The following BACE2 variants were observed in gnomAD, a reference collection of about 807,000 sequenced individuals.
BACE2 encodes 56 kDa aspartic-like protease.
Under a neutral mutation model 46.2 loss-of-function variants are expected in BACE2, and 17 were observed. The observed-to-expected ratio is 0.37, with a 90% CI of 0.25 to 0.55. BACE2 has a LOEUF of 0.55. Among genes scored for constraint, BACE2 ranks in the 20% least tolerant of loss-of-function variants. The probability of loss-of-function intolerance (pLI) is 0.82; values close to 1 mark genes in which losing one functional copy is unlikely to be tolerated. For synonymous variants in BACE2, 277 were observed against 295.9 expected (o/e 0.94, Z 0.66); for missense variants, 595 against 698.1 (o/e 0.85, Z 1.66).
rs919161951 is a variant in BACE2, at chr21:41,282,334, A to T, written c.*6710A>T. On this transcript the variant is annotated 3_prime_UTR_variant, in exon 9 of 9. Transcript: ENST00000330333. ...AAAATGTAATAAGACCAAGAGTTGG[A>T]GTAAAGGGATATTCATTCCATGTTA... 2.6e-5 allele frequency: 4 copies of T among 152,198 alleles called. No homozygotes were observed. Among genetic ancestry groups the T allele is most frequent in the African/African-American group, 4.8e-5 (2 of 41,456 alleles). 9.4% of individuals were successfully genotyped at this position (152,198 alleles called of 1,614,324 possible).
rs1362138823 is a variant in BACE2 at position 41,277,103 on chromosome 21, A to G, written c.*1479A>G. ...TGCATTTTTTTGGGGTGGGTTGGCT[A>G]TATTACAGAATTCCACCAAAAGTGC... On this transcript the variant is annotated 3_prime_UTR_variant, in exon 9 of 9. Coordinates refer to ENST00000330333, the MANE Select transcript of BACE2 (RefSeq NM_012105.5). 2 of 151,846 alleles carry G rather than the reference A, an allele frequency of 1.3e-5. No homozygotes were observed. Among genetic ancestry groups the G allele is most frequent in the East Asian group, 3.9e-4 (2 of 5,148 alleles). 9.4% of individuals were successfully genotyped at this position (151,846 alleles called of 1,614,324 possible). A position where few individuals can be genotyped will look rare whatever the true frequency, so the allele number is the denominator to read the frequency against.
chr21:41,248,501 TC>T (rs536156943), intron 6 of BACE2, among the ~76,000 whole-genome samples: 11 of 152,318 alleles, frequency 7.2e-5, no homozygotes, highest in African/African-American at 2.6e-4. Flanking sequence ...CCGAAACTCT[TC>T]CCCGAATCCA....
chr21:41,202,821 T>G (rs1181558231), intron 1 of BACE2, among the ~76,000 whole-genome samples: 3 of 152,148 alleles, frequency 2.0e-5, no homozygotes, highest in South Asian at 4.1e-4. Context: ...GTTAAACATA[T>G]GGATTCCAGG....
intron 1 of BACE2, among the ~76,000 whole-genome samples, chr21:41,218,308 C>T (rs1986536137): frequency 6.6e-6 from 1 of 152,082 alleles, no homozygotes; most frequent in Non-Finnish European, 1.5e-5. Flanking sequence ...ACTGGAGAAA[C>T]ATATATATAA....
At chr21:41,237,824 C>A in intron 3 of BACE2, 95 bp downstream of exon 3, 1 of 1,023,998 alleles carries the variant, frequency 9.8e-7, no homozygotes, top group Non-Finnish European at 1.5e-6. Flanking sequence ...TTGGGCTGTT[C>A]TTGGAGACAG....
chr21:41,183,320 G>C (rs1228018146), intron 1 of BACE2: 1 of 166,872 alleles, frequency 6.0e-6, no homozygotes, highest in African/African-American at 2.4e-5. Flanking sequence ...AAACTAATAA[G>C]CTTTCAGTAG....
At chr21:41,267,718 G>A (rs1206376754) in intron 8 of BACE2, among the ~76,000 whole-genome samples, 1 of 152,108 alleles carries the variant, frequency 6.6e-6, no homozygotes. Context: ...TGTAGATCAG[G>A]CTGCTCTGTT....
At chr21:41,187,124 A>G (rs2123507238) in intron 1 of BACE2, among the ~76,000 whole-genome samples, 1 of 152,276 alleles carries the variant, frequency 6.6e-6, no homozygotes, top group East Asian at 1.9e-4. Flanking sequence ...GGAGGAGGTT[A>G]TAAATGTGGG....
Position 41,232,709 on chromosome 21 carries a change from AG to A in BACE2, c.402-4803del, listed in dbSNP as rs569326528. ...GTGTCCCCCTTCGCCCTCCACCTTG[AG>A]TGGAAGCTTCCTGAGGCCTCACCAG... On this transcript the variant is annotated intron_variant, in intron 2 of 8. Transcript: ENST00000330333. Among the ~76,000 whole-genome samples the A allele has an allele frequency of 5.9e-5, 9 of 152,176 alleles. 1 individual carries two copies. The South Asian group carries it at 1.9e-3, about 32-fold the overall frequency.
chr21:41,195,627 C>T (rs900460775), intron 1 of BACE2, among the ~76,000 whole-genome samples: 25 of 152,134 alleles, frequency 1.6e-4, no homozygotes, highest in Non-Finnish European at 8.8e-5. Flanking sequence ...AGGTCAGAGG[C>T]ACAGTCATGA....
At position 41,265,410 on chromosome 21, in the gene BACE2, G is replaced by A. The variant is rs371447936; in HGVS notation, c.1303+8084G>A. ...TTGTAATTTTAATGAATATCACTTC[G>A]TTACCTTCCATAGAGCTTATATTCA... is the stretch of plus-strand genomic sequence containing the variant. On this transcript the variant is annotated intron_variant, in intron 8 of 8. Transcript: ENST00000330333. Among the ~76,000 whole-genome samples the A allele has an allele frequency of 1.3e-4, 20 of 151,966 alleles. No individual in the cohort carries two copies. The East Asian group carries it at 2.9e-3, about 22-fold the overall frequency.
chr21:41,253,936 G>A (rs1452272710), intron 7 of BACE2, among the ~76,000 whole-genome samples: 2 of 152,034 alleles, frequency 1.3e-5, no homozygotes, highest in African/African-American at 4.8e-5. Context: ...TTCTGGGAGG[G>A]GACTCCAGTA....
At chr21:41,212,481 C>T (rs1185778860) in intron 1 of BACE2, among the ~76,000 whole-genome samples, 1 of 152,150 alleles carries the variant, frequency 6.6e-6, no homozygotes, top group Non-Finnish European at 1.5e-5. Context: ...CTCTCACTCT[C>T]CCTACCCTGA....
chr21:41,188,175 G>A lies in BACE2; in HGVS notation c.312+19600G>A, dbSNP rs893944891. On this transcript the variant is annotated intron_variant, in intron 1 of 8. Transcript: ENST00000330333. ...GAATGGTCGGGCTGCAGGCACCTGTGGGCCGTGTTTATAGAGAGTGGAATC... is the reference window on the plus strand; with the variant it reads ...GAATGGTCGGGCTGCAGGCACCTGTAGGCCGTGTTTATAGAGAGTGGAATC... Among the ~76,000 whole-genome samples, 4 of 152,256 alleles carry A rather than the reference G, an allele frequency of 2.6e-5. No homozygotes were observed. In the South Asian group the frequency reaches 8.3e-4, roughly 32 times the overall value.
intron 1 of BACE2, among the ~76,000 whole-genome samples, chr21:41,215,688 C>T (rs762629764): frequency 1.3e-5 from 2 of 152,186 alleles, no homozygotes; most frequent in African/African-American, 2.4e-5. Flanking sequence ...GGGGCGGGGA[C>T]GTCGGGACCT....
In BACE2 at chr21:41,244,182, C is replaced by T. The variant is rs373023112; in HGVS notation, c.882+672C>T. 3.3e-5 allele frequency among the ~76,000 whole-genome samples: 5 copies of T among 152,326 alleles called. No homozygotes were observed. The South Asian group carries it at 6.2e-4, about 19-fold the overall frequency. The stretch of plus-strand genomic sequence containing the variant: ...TGCTTTATAAAAACCATGGGGATGT[C>T]ATTATATTCTAACCTGTTAGCACTT... On this transcript the variant is annotated intron_variant, in intron 5 of 8. Transcript: ENST00000330333.
intron 1 of BACE2, among the ~76,000 whole-genome samples, chr21:41,191,150 G>A (rs962489327): frequency 4.6e-5 from 7 of 152,138 alleles, no homozygotes; most frequent in African/African-American, 9.7e-5. Flanking sequence ...TATATGGGAC[G>A]CTGATTCAGA....
chr21:41,278,482 G>A lies in BACE2; in HGVS notation c.*2858G>A, dbSNP rs2088512720. ...AAACAGATGCCCTGTGTGTGACCGA[G>A]GGGAGTGTTTTTCCACAACAGGTTC... On this transcript the variant is annotated 3_prime_UTR_variant, in exon 9 of 9. Coordinates refer to ENST00000330333, the MANE Select transcript of BACE2 (RefSeq NM_012105.5). 1 of 152,192 alleles carries A rather than the reference G, an allele frequency of 6.6e-6. No individual in the cohort carries two copies. The highest frequency in any genetic ancestry group is 1.5e-5 in the Non-Finnish European group (1 of 68,048). 9.4% of individuals were successfully genotyped at this position (152,192 alleles called of 1,614,324 possible). A position where few individuals can be genotyped will look rare whatever the true frequency, so the allele number is the denominator to read the frequency against.
chr21:41,212,154 G>GT (rs1986320506), intron 1 of BACE2, among the ~76,000 whole-genome samples: 1 of 152,212 alleles, frequency 6.6e-6, no homozygotes. Flanking sequence ...ATTTCTTACA[G>GT]TTTTGGGAGC....
Sources: allele counts gnomAD v4.1 joint callset (sites outside exome capture counted in the v4.1 genomes callset), GRCh38; gene constraint gnomAD v4.1.1; transcripts MANE v1.5; gene names NCBI Gene and HGNC (gene_info 2026-07-23, HGNC 2026-07-21).